ARHGEF4: variants seen among roughly 807,000 people sequenced by gnomAD.
ARHGEF4 encodes APC-stimulated guanine nucleotide exchange factor 1.
A neutral mutation model predicts 162.0 loss-of-function variants in ARHGEF4; 119 were observed. That is an observed-to-expected ratio of 0.73 (90% CI 0.63 to 0.86). The LOEUF is 0.86. ARHGEF4 is among the 40% of genes least tolerant of loss of function. The pLI is 0.00. For missense variants in ARHGEF4, 2,488 were observed against 2,456.0 expected (o/e 1.01, Z -0.28); for synonymous variants, 1,014 against 979.9 (o/e 1.03, Z -0.65).
intron 4 of ARHGEF4, among the ~76,000 whole-genome samples, chr2:130,965,247 A>C (rs1042741408): frequency 3.3e-5 from 5 of 152,186 alleles, no homozygotes; most frequent in African/African-American, 1.2e-4. Context: ...GCAGATATAG[A>C]GCAAGGTCGG....
At chr2:130,955,998 A>G (rs1684246994) in intron 4 of ARHGEF4, among the ~76,000 whole-genome samples, 1 of 152,224 alleles carries the variant, frequency 6.6e-6, no homozygotes. Flanking sequence ...TCCCCCAGGC[A>G]AAATCTTTGA....
intron 4 of ARHGEF4, among the ~76,000 whole-genome samples, chr2:130,973,197 A>T (rs1558790017): frequency 6.6e-6 from 1 of 152,266 alleles, no homozygotes; most frequent in Non-Finnish European, 1.5e-5. Context: ...AACATTTAAA[A>T]AATAAATGAG....
At chr2:130,943,463 T>C (rs1185881443) in intron 3 of ARHGEF4, among the ~76,000 whole-genome samples, 1 of 152,210 alleles carries the variant, frequency 6.6e-6, no homozygotes, top group African/African-American at 2.4e-5. Flanking sequence ...ATTGATGGTT[T>C]GGATTTAGGT....
chr2:130,854,955 G>T (rs1275080345), intron 1 of ARHGEF4, among the ~76,000 whole-genome samples: 1 of 151,778 alleles, frequency 6.6e-6, no homozygotes, highest in Non-Finnish European at 1.5e-5. Flanking sequence ...CTCACTGCAA[G>T]TTCTGCCTCC....
intron 13 of ARHGEF4, 128 bp from the exon 14 acceptor site, chr2:131,045,910 T>C: frequency 2.7e-6 from 4 of 1,495,770 alleles, no homozygotes; most frequent in South Asian, 1.4e-5. Context: ...GCAAGTCCTG[T>C]GTGGCAAAAC....
At chr2:131,016,193 GA>G (rs1279113289) in intron 4 of ARHGEF4, among the ~76,000 whole-genome samples, 1 of 152,090 alleles carries the variant, frequency 6.6e-6, no homozygotes, top group Admixed American at 6.5e-5. Context: ...GCCCCACCAG[GA>G]TCTCCCAGGC....
In ARHGEF4 at chr2:130,915,875, C is replaced by T. The variant is rs1395561357; in HGVS notation, c.1929C>T (p.Ala643=). 1.9e-6 allele frequency: 3 copies of T among 1,548,590 alleles called. No homozygotes were observed. The highest frequency in any genetic ancestry group is 2.6e-6 in the Non-Finnish European group (3 of 1,146,212). The change falls in exon 2 of 14, where the codon GCC becomes GCT. Residue 643 remains alanine (A), a synonymous_variant. Transcript: ENST00000409359. The stretch of plus-strand genomic sequence containing the variant: ...CTGTGGAGCAGAAAGGTCTTCAGGC[C>T]AGCAGGAGCAATGCGGGGCCTGTTC... ...IVAVEQKGLQ[A]SRSNAGPVPE... is the part of the protein sequence containing the mutation.
rs866681872 is a variant in ARHGEF4, at chr2:130,995,897, T to C, written c.3986-32048T>C. ...TAAAAGTATTATTCACCTTTTTTTTTTTTTTTTTTGAGACAGAGTCTTGCT... is the reference window on the plus strand; with the variant it reads ...TAAAAGTATTATTCACCTTTTTTTTCTTTTTTTTTGAGACAGAGTCTTGCT... On this transcript the variant is annotated intron_variant, in intron 4 of 13. Transcript: ENST00000409359. 3.8e-4 allele frequency among the ~76,000 whole-genome samples: 58 copies of C among 151,686 alleles called. 1 individual carries two copies. Among genetic ancestry groups the C allele is most frequent in the African/African-American group, 1.3e-3 (55 of 41,382 alleles).
chr2:130,948,199 C>T (rs1278273538), intron 4 of ARHGEF4, among the ~76,000 whole-genome samples: 1 of 152,226 alleles, frequency 6.6e-6, no homozygotes, highest in Non-Finnish European at 1.5e-5. Flanking sequence ...CTGAATCTGA[C>T]TCAGCACATT....
intron 1 of ARHGEF4, among the ~76,000 whole-genome samples, chr2:130,886,740 G>A (rs1574161487): frequency 1.3e-5 from 2 of 151,108 alleles, no homozygotes; most frequent in African/African-American, 4.9e-5. Flanking sequence ...ATTTGCTAAC[G>A]AAGTTTCCTT....
At chr2:130,869,601 G>A (rs1000850976) in intron 1 of ARHGEF4, among the ~76,000 whole-genome samples, 3 of 152,188 alleles carry the variant, frequency 2.0e-5, no homozygotes, top group African/African-American at 7.2e-5. Context: ...TCTAGAATTC[G>A]AAGGAGTGTA....
At chr2:130,907,680 G>A (rs1680911204) in intron 1 of ARHGEF4, among the ~76,000 whole-genome samples, 1 of 151,918 alleles carries the variant, frequency 6.6e-6, no homozygotes. Context: ...GAGTCCAGGT[G>A]CGGTGGCCCA....
intron 1 of ARHGEF4, among the ~76,000 whole-genome samples, chr2:130,854,973 A>G (rs1681666701): frequency 6.6e-6 from 1 of 151,474 alleles, no homozygotes; most frequent in African/African-American, 2.4e-5. Flanking sequence ...TCCTGGGTTC[A>G]CGCCATTCTC....
intron 1 of ARHGEF4, among the ~76,000 whole-genome samples, chr2:130,870,002 A>G (rs952145328): frequency 2.3e-4 from 35 of 152,212 alleles, no homozygotes; most frequent in African/African-American, 7.9e-4. Context: ...ACAGCTGAAA[A>G]GCTCCATTAT....
At position 130,911,930 on chromosome 2, in the gene ARHGEF4, G is replaced by C. The variant is rs1681214709; in HGVS notation, c.40-2056G>C. 2.0e-5 allele frequency among the ~76,000 whole-genome samples: 3 copies of C among 152,356 alleles called. 1 individual carries two copies. The South Asian group carries it at 6.2e-4, about 32-fold the overall frequency. On this transcript the variant is annotated intron_variant, in intron 1 of 13. Transcript: ENST00000409359. Reference sequence around the variant, plus strand: ...CTTGGGATTCTCTGTGTCTGCTCATGTAAGCAATGATGCCTGCGTGAGTCT... The same window carrying C: ...CTTGGGATTCTCTGTGTCTGCTCATCTAAGCAATGATGCCTGCGTGAGTCT...
intron 1 of ARHGEF4, among the ~76,000 whole-genome samples, chr2:130,840,110 G>GGC (rs1680501124): frequency 6.6e-6 from 1 of 151,946 alleles, no homozygotes; most frequent in Admixed American, 6.6e-5. Flanking sequence ...CACACACATA[G>GGC]GCACACACAC....
intron 5 of ARHGEF4, among the ~76,000 whole-genome samples, chr2:131,032,843 T>TTTCTTTTC (rs1175643417): frequency 3.2e-5 from 4 of 125,650 alleles, no homozygotes; most frequent in African/African-American, 7.5e-5. Flanking sequence ...TTTCTTTTCT[T>TTTCTTTTC]TTTTCTTTTT....
At chr2:130,943,439 A>C (rs1421863073) in intron 3 of ARHGEF4, among the ~76,000 whole-genome samples, 1 of 152,102 alleles carries the variant, frequency 6.6e-6, no homozygotes, top group Non-Finnish European at 1.5e-5. Flanking sequence ...TGAGTATTCA[A>C]ACTTAATGTA....
chr2:131,027,836 C>T (rs991059452), intron 4 of ARHGEF4, 109 bp from the exon 5 acceptor site: 4 of 1,347,708 alleles, frequency 3.0e-6, no homozygotes, highest in African/African-American at 1.4e-5. Context: ...CACGCTCCCC[C>T]TGCAGAAGAA....
Sources: allele counts gnomAD v4.1 joint callset (sites outside exome capture counted in the v4.1 genomes callset), GRCh38; gene constraint gnomAD v4.1.1; transcripts MANE v1.5; gene names NCBI Gene and HGNC (gene_info 2026-07-23, HGNC 2026-07-21).